Variants in HYAL4 observed in about 807,000 individuals in gnomAD.
HYAL4 encodes hyaluronidase 4.
In HYAL4, 37 loss-of-function variants were observed where a neutral mutation model predicts 35.2. The ratio of observed to expected loss-of-function variants is 1.05; its 90% CI spans 0.81 to 1.38. The LOEUF (loss-of-function observed/expected upper bound fraction) is 1.38. HYAL4 is among the 40% of genes most tolerant of loss of function. The pLI is 0.00. For missense variants in HYAL4, 572 were observed against 572.4 expected (o/e 1.00, Z 0.01); for synonymous variants, 198 against 203.2 (o/e 0.97, Z 0.22).
At chr7:123,806,267 A>G in the HYAL4 span, among the ~76,000 whole-genome samples, 1 of 152,272 alleles carries the variant, frequency 6.6e-6, no homozygotes, top group South Asian at 2.1e-4. Context: ...CTGAAACCAA[A>G]GTAAGTTCCA....
At position 123,868,471 on chromosome 7, in the gene HYAL4, A is replaced by T; in HGVS notation, c.198A>T (p.Arg66Ser). 1 of 1,604,402 alleles carries T rather than the reference A, an allele frequency of 6.2e-7. No individual in the cohort carries two copies. Residue 66 changes from arginine (R) to serine (S), a missense_variant, in exon 3 of 5, where the codon AGA becomes AGT. By Grantham distance (110) the Arg-to-Ser change is moderately radical (BLOSUM62 -1). Coordinates refer to ENST00000223026, the MANE Select transcript of HYAL4 (RefSeq NM_012269.3). ...AGTGTTTGATAAAATATAATTTAAG[A>T]CTAAATTTGAAAATGTTTCCTGTGA... ...TDQCLIKYNL[R>S]LNLKMFPVIG...
At chr7:123,860,876 ATCC>A (rs1806562387) in intron 2 of HYAL4, among the ~76,000 whole-genome samples, 1 of 152,172 alleles carries the variant, frequency 6.6e-6, no homozygotes, top group South Asian at 2.1e-4. Flanking sequence ...CAAATTTCTT[ATCC>A]TGCTAAAATA....
chr7:123,771,719 T>C, the HYAL4 span, among the ~76,000 whole-genome samples: 2 of 152,074 alleles, frequency 1.3e-5, no homozygotes, highest in Non-Finnish European at 2.9e-5. Context: ...AGGTTAAACA[T>C]TATTTCTGAG....
At position 123,857,873 on chromosome 7, in the gene HYAL4, G is replaced by T. The variant is rs182112197; in HGVS notation, c.-52+9715G>T. Among the ~76,000 whole-genome samples, 556 of 152,066 alleles carry T rather than the reference G, an allele frequency of 3.7e-3. 10 individuals are homozygous for T. Among genetic ancestry groups the T allele is most frequent in the Admixed American group, 0.029 (448 of 15,242 alleles). ...TTTATCCAGAAGGTGTACTTGAAGT[G>T]GAAAACTAGGCTCTTAAATGGAGAT... On this transcript the variant is annotated intron_variant, in intron 2 of 4. Coordinates refer to ENST00000223026, the MANE Select transcript of HYAL4 (RefSeq NM_012269.3).
the HYAL4 span, among the ~76,000 whole-genome samples, chr7:123,817,501 A>ATTC: frequency 2.2e-5 from 3 of 137,932 alleles, no homozygotes; most frequent in African/African-American, 8.0e-5. Flanking sequence ...CCTCCAATGC[A>ATTC]TTCTTCTTCT....
At chr7:123,834,173 G>A (rs7790545) in intron 1 of HYAL4, among the ~76,000 whole-genome samples, 48,649 of 151,874 alleles carry the variant, frequency 0.32, 8,685 homozygotes, top group South Asian at 0.39. Flanking sequence ...ATTGCTTTTG[G>A]CAGTGTGGTC....
intron 1 of HYAL4, among the ~76,000 whole-genome samples, chr7:123,836,255 A>G (rs944618551): frequency 2.0e-5 from 3 of 152,054 alleles, no homozygotes; most frequent in African/African-American, 4.8e-5. Context: ...TAAATTTGGG[A>G]GCTCCAGTGT....
At chr7:123,863,585 A>G (rs1806624702) in intron 2 of HYAL4, among the ~76,000 whole-genome samples, 1 of 151,950 alleles carries the variant, frequency 6.6e-6, no homozygotes, top group Admixed American at 6.6e-5. Context: ...CGTTCCTGTG[A>G]TTGGGTAAAG....
intron 1 of HYAL4, among the ~76,000 whole-genome samples, chr7:123,845,925 G>A (rs1362802099): frequency 6.6e-6 from 1 of 152,138 alleles, no homozygotes; most frequent in Non-Finnish European, 1.5e-5. Context: ...TCTCTCTTCT[G>A]TATCTAGCCA....
intron 3 of HYAL4, among the ~76,000 whole-genome samples, chr7:123,870,249 C>T (rs756643501): frequency 3.2e-4 from 48 of 152,110 alleles, no homozygotes; most frequent in Middle Eastern, 3.4e-3. Context: ...TCTACAGTGA[C>T]CAGGTATCTT....
At chr7:123,809,206 C>G in the HYAL4 span, among the ~76,000 whole-genome samples, 1 of 152,074 alleles carries the variant, frequency 6.6e-6, no homozygotes, top group South Asian at 2.1e-4. Context: ...CTCCCTGACC[C>G]TGAAAACCTG....
the HYAL4 span, among the ~76,000 whole-genome samples, chr7:123,807,914 A>AATAATTATT: frequency 5.9e-5 from 8 of 136,572 alleles, no homozygotes; most frequent in Admixed American, 2.3e-4. Flanking sequence ...TTAGCTGGAT[A>AATAATTATT]ATTATTATTA....
At chr7:123,833,087 G>A (rs866898151) in intron 1 of HYAL4, among the ~76,000 whole-genome samples, 12 of 151,984 alleles carry the variant, frequency 7.9e-5, no homozygotes, top group African/African-American at 2.9e-4. Context: ...TTTTCCTCTG[G>A]GTAGATCCCC....
chr7:123,840,085 T>G (rs1258776864), upstream of HYAL4, among the ~76,000 whole-genome samples: 2 of 152,252 alleles, frequency 1.3e-5, no homozygotes, highest in African/African-American at 4.8e-5. Context: ...TGAATGGTAT[T>G]GCCTAGGTTT....
At chr7:123,765,234 A>C in the HYAL4 span, among the ~76,000 whole-genome samples, 1 of 145,558 alleles carries the variant, frequency 6.9e-6, no homozygotes, top group African/African-American at 2.5e-5. Context: ...GGGTGAAGAA[A>C]GATGAAAAGA....
At chr7:123,843,195 TC>T (rs1192489328), upstream of HYAL4, among the ~76,000 whole-genome samples, 1 of 152,048 alleles carries the variant, frequency 6.6e-6, no homozygotes, top group Non-Finnish European at 1.5e-5. Flanking sequence ...GCAGGCCTGG[TC>T]CTGACAAAAT....
At chr7:123,808,453 G>GTT in the HYAL4 span, among the ~76,000 whole-genome samples, 1 of 136,520 alleles carries the variant, frequency 7.3e-6, no homozygotes, top group Non-Finnish European at 1.7e-5. Flanking sequence ...GTGTGTGTGT[G>GTT]TGTGTGTGTG....
chr7:123,836,436 T>A (rs1210007262), intron 1 of HYAL4, among the ~76,000 whole-genome samples: 2 of 152,180 alleles, frequency 1.3e-5, no homozygotes, highest in African/African-American at 4.8e-5. Context: ...ATGGAATATC[T>A]TTTTCCACCC....
At chr7:123,808,939 C>A in the HYAL4 span, among the ~76,000 whole-genome samples, 1 of 152,094 alleles carries the variant, frequency 6.6e-6, no homozygotes, top group Non-Finnish European at 1.5e-5. Context: ...AAATCATCTC[C>A]CAAAGGCCCA....
Sources: gnomAD v4.1 joint callset for allele counts (sites outside exome capture counted in the v4.1 genomes callset) on GRCh38, gnomAD v4.1.1 for gene constraint, MANE v1.5 for transcripts, NCBI Gene and HGNC (gene_info 2026-07-23, HGNC 2026-07-21) for gene names.